CEP89: variants seen among roughly 807,000 people sequenced by gnomAD.
The protein encoded by CEP89 is centrosomal protein 89.
Under a neutral mutation model 97.6 loss-of-function variants are expected in CEP89, and 95 were observed. The ratio of observed to expected loss-of-function variants is 0.97; its 90% CI spans 0.82 to 1.15. CEP89 has a LOEUF of 1.15. Among genes scored for constraint, CEP89 ranks in the 50% most tolerant of loss-of-function variants. The pLI is 0.00. For synonymous variants in CEP89, 354 were observed against 349.1 expected (o/e 1.01, Z -0.16); for missense variants, 869 against 947.7 (o/e 0.92, Z 1.09).
Position 32,901,400 on chromosome 19 carries a change from C to T in CEP89, c.1578G>A (p.Lys526=). 1.2e-6 allele frequency: 2 copies of T among 1,611,808 alleles called. No homozygotes were observed. The highest frequency in any genetic ancestry group is 1.7e-6 in the Non-Finnish European group (2 of 1,179,496). The change falls in exon 15 of 19, where the codon AAG becomes AAA. Residue 526 remains lysine (K), a synonymous_variant. Transcript: ENST00000305768. ...TCTCAGCCCTTTCTTTCTCTTCTTCCTTCTGTAATTGGCTGAAGGACAAAA... is the reference window on the plus strand; with the variant it reads ...TCTCAGCCCTTTCTTTCTCTTCTTCTTTCTGTAATTGGCTGAAGGACAAAA... ...IVNELKSQLQ[K]EEEKERAEME...
At chr19:32,961,800 C>T (rs55739016) in intron 2 of CEP89, among the ~76,000 whole-genome samples, 22,122 of 151,694 alleles carry the variant, frequency 0.15, 1,973 homozygotes, top group Non-Finnish European at 0.21. Flanking sequence ...CACGCCACCA[C>T]ACCTGGCTAA....
intron 4 of CEP89, among the ~76,000 whole-genome samples, chr19:32,950,584 A>G (rs946045777): frequency 6.6e-6 from 1 of 152,232 alleles, no homozygotes; most frequent in African/African-American, 2.4e-5. Context: ...AAAAGCATTA[A>G]GAAGATGCTC....
intron 5 of CEP89, among the ~76,000 whole-genome samples, chr19:32,941,416 T>C (rs532722737): frequency 2.0e-4 from 30 of 152,154 alleles, no homozygotes; most frequent in African/African-American, 6.7e-4. Context: ...GGCAGGAGAA[T>C]TGCTTGAGTT....
intron 3 of CEP89, among the ~76,000 whole-genome samples, chr19:32,954,179 A>T (rs766680870): frequency 1.3e-5 from 2 of 151,058 alleles, no homozygotes; most frequent in Non-Finnish European, 3.0e-5. Context: ...GGCCAGTATC[A>T]TGTATTAAAT....
intron 14 of CEP89, among the ~76,000 whole-genome samples, chr19:32,907,154 G>A (rs1969904229): frequency 6.6e-6 from 1 of 152,186 alleles, no homozygotes; most frequent in Non-Finnish European, 1.5e-5. Context: ...GAGAACAGGA[G>A]TCCAAGACCA....
chr19:32,927,028 C>T, intron 9 of CEP89, 44 bp from the exon 10 acceptor site: 1 of 1,527,990 alleles, frequency 6.5e-7, no homozygotes, highest in East Asian at 2.3e-5. Flanking sequence ...ACCACACTTC[C>T]TCTGAATTTT....
chr19:32,921,466 C>T (rs752690430), intron 12 of CEP89, among the ~76,000 whole-genome samples: 7 of 152,200 alleles, frequency 4.6e-5, no homozygotes, highest in Admixed American at 1.3e-4. Context: ...CCCATGCTGG[C>T]GTGGGCCATC....
intron 7 of CEP89, among the ~76,000 whole-genome samples, chr19:32,935,439 G>T (rs1390285495): frequency 6.6e-6 from 1 of 152,156 alleles, no homozygotes; most frequent in African/African-American, 2.4e-5. Flanking sequence ...CTTTCAGAGA[G>T]ACGTAGTCAG....
chr19:32,914,058 G>A (rs1970069634), intron 14 of CEP89, among the ~76,000 whole-genome samples: 1 of 152,126 alleles, frequency 6.6e-6, no homozygotes, highest in African/African-American at 2.4e-5. Flanking sequence ...CCAGCTACTT[G>A]TGGGGCTGAG....
At chr19:32,892,207 A>ATATATG (rs1969539492) in intron 16 of CEP89, among the ~76,000 whole-genome samples, 1 of 11,526 alleles carries the variant, frequency 8.7e-5, no homozygotes, top group Non-Finnish European at 1.7e-4. Context: ...TTAGACATAT[A>ATATATG]TATATATATA....
At chr19:32,910,135 C>T (rs986763581) in intron 14 of CEP89, among the ~76,000 whole-genome samples, 7 of 152,188 alleles carry the variant, frequency 4.6e-5, no homozygotes, top group South Asian at 2.1e-4. Flanking sequence ...GTGGCACACT[C>T]CTATAATCCC....
intron 2 of CEP89, among the ~76,000 whole-genome samples, chr19:32,961,194 G>A (rs1179493384): frequency 6.6e-6 from 1 of 152,090 alleles, no homozygotes; most frequent in African/African-American, 2.4e-5. Context: ...GCCGGGTGCA[G>A]CACTCAGAAA....
intron 16 of CEP89, among the ~76,000 whole-genome samples, chr19:32,893,055 A>C (rs936888443): frequency 2.0e-5 from 3 of 152,128 alleles, no homozygotes; most frequent in African/African-American, 7.2e-5. Context: ...CCTTGAATGT[A>C]AATTAATTAA....
chr19:32,882,590 A>G (rs1166192492), intron 17 of CEP89, among the ~76,000 whole-genome samples: 1 of 152,006 alleles, frequency 6.6e-6, no homozygotes, highest in Non-Finnish European at 1.5e-5. Flanking sequence ...TTACCATCAC[A>G]GAACAAACTG....
chr19:32,958,158 G>C (rs987609137), intron 3 of CEP89, among the ~76,000 whole-genome samples: 26 of 149,808 alleles, frequency 1.7e-4, no homozygotes, highest in Admixed American at 1.3e-4. Flanking sequence ...CTCAGCCAAA[G>C]TATAATGCTT....
chr19:32,912,689 T>C (rs1970026403), intron 14 of CEP89, among the ~76,000 whole-genome samples: 1 of 152,192 alleles, frequency 6.6e-6, no homozygotes, highest in South Asian at 2.1e-4. Flanking sequence ...CTGCCTTTTT[T>C]CTATGTACTT....
In CEP89 at chr19:32,915,319, A is replaced by G. The variant is rs764474556; in HGVS notation, c.1565+18T>C. 20 of 1,563,814 alleles carry G rather than the reference A, an allele frequency of 1.3e-5. No individual in the cohort carries two copies. In the South Asian group the frequency reaches 1.4e-4, roughly 11 times the overall value. ...AAAAAAGAAAAAAAAAAAAAAAGAA[A>G]AAACATTAAATCCTTACCTTTTTAA... On this transcript the variant is annotated intron_variant, in intron 14 of 18. Coordinates refer to ENST00000305768, the MANE Select transcript of CEP89 (RefSeq NM_032816.5).
intron 14 of CEP89, among the ~76,000 whole-genome samples, chr19:32,907,074 C>G (rs1165537710): frequency 6.6e-6 from 1 of 152,090 alleles, no homozygotes; most frequent in East Asian, 1.9e-4. Context: ...GAAGAAAGAC[C>G]AGGGGCCAGG....
In CEP89 at chr19:32,881,845, T is replaced by G; in HGVS notation, c.2134A>C (p.Arg712=). 1 of 1,600,550 alleles carries G rather than the reference T, an allele frequency of 6.2e-7. No individual in the cohort carries two copies. The highest frequency in any genetic ancestry group is 2.2e-5 in the East Asian group (1 of 44,716). The change falls in exon 18 of 19, where the codon AGA becomes CGA. Residue 712 remains arginine, a splice_region_variant and synonymous_variant. Transcript: ENST00000305768. ...EVLDQALQQN[R]EMEGELEVIW... ...CATGGCGCAGGGCGCATGCCCCACC[T>G]GTTCTGCTGCAGCGCCTGGTCCAGC...
Sources: gnomAD v4.1 joint callset for allele counts (sites outside exome capture counted in the v4.1 genomes callset) on GRCh38, gnomAD v4.1.1 for gene constraint, MANE v1.5 for transcripts, NCBI Gene and HGNC (gene_info 2026-07-23, HGNC 2026-07-21) for gene names.